MSH4: variants seen among roughly 807,000 people sequenced by gnomAD.
MSH4 encodes mutS protein homolog 4.
MSH4 carries 106 observed loss-of-function variants against 113.7 expected under a neutral mutation model. The ratio of observed to expected loss-of-function variants is 0.93; its 90% CI spans 0.80 to 1.10. MSH4 has a LOEUF of 1.10. Among genes scored for constraint, MSH4 ranks in the 50% least tolerant of loss-of-function variants. MSH4 has a pLI of 0.00. For synonymous variants in MSH4, 368 were observed against 380.2 expected (o/e 0.97, Z 0.37); for missense variants, 1,061 against 1,093.7 (o/e 0.97, Z 0.42).
At position 75,797,018 on chromosome 1, in the gene MSH4, T is replaced by C. The variant is rs770689628; in HGVS notation, c.33T>C (p.Pro11=). The C allele has an allele frequency of 4.3e-6, 7 of 1,614,052 alleles. No homozygotes were observed. In the South Asian group the frequency reaches 6.6e-5, roughly 15 times the overall value. The part of the protein sequence containing the change: MLRPEISSTS[P]SAPAVSPSSG... ...GGCCTGAGATCTCATCAACCTCGCC[T>C]TCTGCCCCGGCGGTTTCCCCGTCGT... is the stretch of plus-strand genomic sequence containing the variant. Residue 11 remains proline (P), a synonymous_variant, in exon 1 of 20, where the codon CCT becomes CCC. Coordinates refer to ENST00000263187, the MANE Select transcript of MSH4 (RefSeq NM_002440.4).
At chr1:75,810,241 C>T (rs77368022) in intron 3 of MSH4, among the ~76,000 whole-genome samples, 9 of 150,252 alleles carry the variant, frequency 6.0e-5, no homozygotes, top group African/African-American at 1.2e-4. Context: ...GTTTGTTTGT[C>T]TGTTTTTGAG....
At chr1:75,897,614 A>G (rs1464813585) in intron 17 of MSH4, among the ~76,000 whole-genome samples, 2 of 152,098 alleles carry the variant, frequency 1.3e-5, no homozygotes, top group Admixed American at 6.6e-5. Context: ...CATCTTTTCA[A>G]TATCTTCAGA....
chr1:75,885,182 C>A (rs868696306), intron 15 of MSH4, among the ~76,000 whole-genome samples: 1 of 143,020 alleles, frequency 7.0e-6, no homozygotes, highest in African/African-American at 2.6e-5. Context: ...TAATAATATA[C>A]GCTATGTGTA....
chr1:75,851,490 C>T (rs1405303269), intron 8 of MSH4, among the ~76,000 whole-genome samples: 2 of 152,120 alleles, frequency 1.3e-5, no homozygotes, highest in Non-Finnish European at 2.9e-5. Flanking sequence ...CGGCTCACTG[C>T]CACCTCTGTC....
At position 75,832,932 on chromosome 1, in the gene MSH4, C is replaced by A. The variant is rs549454496; in HGVS notation, c.1162+10351C>A. 3.3e-5 allele frequency among the ~76,000 whole-genome samples: 5 copies of A among 152,156 alleles called. No individual in the cohort carries two copies. In the South Asian group the frequency reaches 1.0e-3, roughly 32 times the overall value. ...TCAACATAGTGTTGGCAGTTCTGGT[C>A]AGGGCAAGCAGGCAAAAGAAAGAAA... On this transcript the variant is annotated intron_variant, in intron 7 of 19. Transcript: ENST00000263187.
At chr1:75,889,989 A>G (rs1185714681) in intron 16 of MSH4, among the ~76,000 whole-genome samples, 2 of 152,076 alleles carry the variant, frequency 1.3e-5, no homozygotes, top group African/African-American at 2.4e-5. Flanking sequence ...TTGAATATCT[A>G]TAATAGATCG....
chr1:75,895,620 A>C lies in MSH4; in HGVS notation c.2356-2287A>C, dbSNP rs5745525. Among the ~76,000 whole-genome samples the C allele has an allele frequency of 4.6e-5, 7 of 152,196 alleles. No individual in the cohort carries two copies. In the East Asian group the frequency reaches 1.4e-3, roughly 29 times the overall value. On this transcript the variant is annotated intron_variant, in intron 17 of 19. Coordinates refer to ENST00000263187, the MANE Select transcript of MSH4 (RefSeq NM_002440.4). The stretch of plus-strand genomic sequence containing the variant: ...ATATATATACATATATTAAACAAAT[A>C]TTTTATTTCTTCTTATTCTCTTATA...
intron 4 of MSH4, among the ~76,000 whole-genome samples, chr1:75,813,055 T>G (rs1650222008): frequency 1.3e-5 from 2 of 152,156 alleles, no homozygotes; most frequent in Admixed American, 1.3e-4. Flanking sequence ...CTGCAGATAG[T>G]TTACTTCTAT....
chr1:75,901,062 G>A (rs933118006), intron 19 of MSH4, among the ~76,000 whole-genome samples: 2 of 151,522 alleles, frequency 1.3e-5, no homozygotes, highest in Admixed American at 1.3e-4. Context: ...CATATTTTGG[G>A]GCTACATGTG....
At chr1:75,862,461 T>C (rs746533257) in intron 8 of MSH4, among the ~76,000 whole-genome samples, 1 of 152,206 alleles carries the variant, frequency 6.6e-6, no homozygotes, top group African/African-American at 2.4e-5. Context: ...AAAACTTTAG[T>C]TTTGGGAGAA....
Position 75,880,109 on chromosome 1 carries a change from A to G in MSH4, c.1737A>G (p.Glu579=). ...FTSADLIKMN[E]RCQESLREIY... ...CAGCAGATTTAATTAAAATGAATGA[A>G]AGATGCCAAGAATCTTTGAGAGAAA... Residue 579 remains glutamate (E), a synonymous_variant, in exon 13 of 20, where the codon GAA becomes GAG. Coordinates refer to ENST00000263187, the MANE Select transcript of MSH4 (RefSeq NM_002440.4). 6.3e-7 allele frequency: 1 copy of G among 1,597,978 alleles called. No homozygotes were observed. The highest frequency in any genetic ancestry group is 8.5e-7 in the Non-Finnish European group (1 of 1,169,912).
rs545720285 is a variant in MSH4, at chr1:75,864,035, C to T, written c.1231-3479C>T. Among the ~76,000 whole-genome samples the T allele has an allele frequency of 4.5e-4, 68 of 152,226 alleles. No individual in the cohort carries two copies. In the South Asian group the frequency reaches 9.7e-3, roughly 22 times the overall value. On this transcript the variant is annotated intron_variant, in intron 8 of 19. Coordinates refer to ENST00000263187, the MANE Select transcript of MSH4 (RefSeq NM_002440.4). Reference sequence around the variant, plus strand: ...TTTTCTACCTGTCTCCAAAAAGAAACGACTTTTAGTAATCATTTCCTTTTC... The same window carrying T: ...TTTTCTACCTGTCTCCAAAAAGAAATGACTTTTAGTAATCATTTCCTTTTC...
chr1:75,828,063 A>G (rs1204550997), intron 7 of MSH4, among the ~76,000 whole-genome samples: 1 of 152,244 alleles, frequency 6.6e-6, no homozygotes, highest in East Asian at 1.9e-4. Context: ...AAAATGCTCA[A>G]TGTCACTAAT....
rs547651800 is a variant in MSH4 at position 75,813,446 on chromosome 1, C to T, written c.700-1575C>T. The stretch of plus-strand genomic sequence containing the variant: ...GTCCCGGTTTCAGATCTTGACTCTA[C>T]GTGACCTACTGCAAGACACTTAACT... On this transcript the variant is annotated intron_variant, in intron 4 of 19. Coordinates refer to ENST00000263187, the MANE Select transcript of MSH4 (RefSeq NM_002440.4). Among the ~76,000 whole-genome samples, 5 of 152,258 alleles carry T rather than the reference C, an allele frequency of 3.3e-5. No individual in the cohort carries two copies. The South Asian group carries it at 6.2e-4, about 19-fold the overall frequency.
At chr1:75,875,564 C>T (rs1651801217) in intron 9 of MSH4, among the ~76,000 whole-genome samples, 1 of 152,080 alleles carries the variant, frequency 6.6e-6, no homozygotes, top group South Asian at 2.1e-4. Flanking sequence ...CAGCAAAATG[C>T]CTCCGTATCC....
At chr1:75,868,523 A>G (rs1651639473) in intron 9 of MSH4, among the ~76,000 whole-genome samples, 1 of 152,268 alleles carries the variant, frequency 6.6e-6, no homozygotes, top group South Asian at 2.1e-4. Flanking sequence ...TGAAAAAGAA[A>G]TAATGAAAAA....
At chr1:75,810,888 T>C in intron 4 of MSH4, 81 bp downstream of exon 4, 2 of 701,582 alleles carry the variant, frequency 2.9e-6, no homozygotes, top group Non-Finnish European at 4.3e-6. Flanking sequence ...ATTTATTTTT[T>C]TGAGACAGAG....
rs564982624 is a variant in MSH4 at position 75,831,787 on chromosome 1, T to C, written c.1162+9206T>C. Among the ~76,000 whole-genome samples, 3 of 152,176 alleles carry C rather than the reference T, an allele frequency of 2.0e-5. No homozygotes were observed. In the East Asian group the frequency reaches 5.8e-4, roughly 29 times the overall value. On this transcript the variant is annotated intron_variant, in intron 7 of 19. Transcript: ENST00000263187. ...AATCTCTGGCACACATTTAAAGCAG[T>C]GTGTAGAGGGAAGTTTATAGCACTA...
chr1:75,800,280 T>A (rs1296972676), intron 1 of MSH4, among the ~76,000 whole-genome samples: 1 of 152,162 alleles, frequency 6.6e-6, no homozygotes, highest in Admixed American at 6.6e-5. Flanking sequence ...TGTCCACACC[T>A]TTGTAAATAT....
Sources: gnomAD v4.1 joint callset for allele counts (sites outside exome capture counted in the v4.1 genomes callset) on GRCh38, gnomAD v4.1.1 for gene constraint, MANE v1.5 for transcripts, NCBI Gene and HGNC (gene_info 2026-07-23, HGNC 2026-07-21) for gene names.